The following DENND2C variants were observed in gnomAD, a reference collection of about 807,000 sequenced individuals.
The protein encoded by DENND2C is DENN domain containing 2C.
A neutral mutation model predicts 112.4 loss-of-function variants in DENND2C; 72 were observed. The ratio of observed to expected loss-of-function variants is 0.64; its 90% CI spans 0.53 to 0.78. DENND2C has a LOEUF of 0.78. Ranked by LOEUF, DENND2C falls within the 30% of genes least tolerant of loss-of-function variation. The pLI is 0.00. For missense variants in DENND2C, 992 were observed against 1,113.8 expected (o/e 0.89, Z 1.56); for synonymous variants, 329 against 381.6 (o/e 0.86, Z 1.61).
chr1:114,630,614 C>G lies in DENND2C; in HGVS notation c.-204-4426G>C, dbSNP rs375565144. On this transcript the variant is annotated intron_variant, in intron 3 of 20. Coordinates refer to ENST00000393274, the MANE Select transcript of DENND2C (RefSeq NM_001256404.2). ...GGCAACCTTACCGAGTTGAGGATAA[C>G]AAGATTGGAATATGGAGACTGAGGC... Among the ~76,000 whole-genome samples the G allele has an allele frequency of 3.9e-5, 6 of 152,126 alleles. No homozygotes were observed. In the South Asian group the frequency reaches 1.2e-3, roughly 32 times the overall value.
At chr1:114,611,700 G>A (rs1655821949) in intron 8 of DENND2C, among the ~76,000 whole-genome samples, 1 of 151,588 alleles carries the variant, frequency 6.6e-6, no homozygotes, top group African/African-American at 2.4e-5. Flanking sequence ...TCCCCAATCC[G>A]ATTTTAAGTA....
chr1:114,611,210 G>C, intron 8 of DENND2C, 93 bp from the exon 9 acceptor site: 6 of 1,401,824 alleles, frequency 4.3e-6, no homozygotes, highest in Non-Finnish European at 6.0e-6. Context: ...CTGGGGACTT[G>C]GAGTAAGGAA....
At chr1:114,588,140 C>T (rs1483653267) in intron 18 of DENND2C, among the ~76,000 whole-genome samples, 188 bp from the exon 19 acceptor site, 1 of 152,168 alleles carries the variant, frequency 6.6e-6, no homozygotes, top group Non-Finnish European at 1.5e-5. Context: ...TTCTACCCTT[C>T]CCTTCATTTT....
chr1:114,643,679 A>G (rs953392662), intron 3 of DENND2C, among the ~76,000 whole-genome samples: 1 of 152,214 alleles, frequency 6.6e-6, no homozygotes, highest in African/African-American at 2.4e-5. Flanking sequence ...TATAACACAT[A>G]ATATAAATTT....
At chr1:114,665,275 A>G (rs1657616809) in intron 1 of DENND2C, among the ~76,000 whole-genome samples, 1 of 151,398 alleles carries the variant, frequency 6.6e-6, no homozygotes, top group Non-Finnish European at 1.5e-5. Context: ...TCTCTTGAAA[A>G]AAAAAAAAAA....
At chr1:114,596,365 TAAAC>T (rs1424286239) in intron 16 of DENND2C, among the ~76,000 whole-genome samples, 4 of 152,098 alleles carry the variant, frequency 2.6e-5, no homozygotes, top group African/African-American at 7.2e-5. Context: ...TGTCTCTAAA[TAAAC>T]AAATAAATGA....
At chr1:114,630,989 ATTAAGTTGATTCTTATGAAAT>A (rs1402909467) in intron 3 of DENND2C, among the ~76,000 whole-genome samples, 1 of 152,236 alleles carries the variant, frequency 6.6e-6, no homozygotes, top group East Asian at 1.9e-4. Flanking sequence ...CCTAACAAGG[ATTAAGTTGATTCTTATGAAAT>A]TTAAGTACTC....
chr1:114,615,274 AAC>A (rs1489591394), intron 8 of DENND2C, among the ~76,000 whole-genome samples: 7 of 152,232 alleles, frequency 4.6e-5, no homozygotes, highest in Admixed American at 4.6e-4. Context: ...AGTTTTAAAT[AAC>A]ACACAAAAAT....
intron 8 of DENND2C, among the ~76,000 whole-genome samples, chr1:114,612,937 A>C (rs1326623477): frequency 6.6e-6 from 1 of 152,218 alleles, no homozygotes; most frequent in Admixed American, 6.5e-5. Context: ...CTGGAGTTAC[A>C]GGTGTGAGCC....
intron 8 of DENND2C, among the ~76,000 whole-genome samples, chr1:114,615,325 G>A (rs576135999): frequency 6.6e-6 from 1 of 152,044 alleles, no homozygotes; most frequent in African/African-American, 2.4e-5. Flanking sequence ...AAAAATACAC[G>A]GAAAAGAGAT....
chr1:114,622,803 C>CAA (rs370119447), intron 6 of DENND2C, among the ~76,000 whole-genome samples, 184 bp downstream of exon 6: 1 of 100,570 alleles, frequency 9.9e-6, no homozygotes. Context: ...AAACAACAAC[C>CAA]AAAAAAAAAA....
At chr1:114,631,791 A>G (rs1226880097) in intron 3 of DENND2C, among the ~76,000 whole-genome samples, 2 of 151,538 alleles carry the variant, frequency 1.3e-5, no homozygotes, top group African/African-American at 4.9e-5. Flanking sequence ...CAAAAAAGAG[A>G]AAAAAAAAGT....
chr1:114,662,402 C>CA (rs943810606), intron 1 of DENND2C, among the ~76,000 whole-genome samples: 2 of 151,884 alleles, frequency 1.3e-5, no homozygotes, highest in Non-Finnish European at 2.9e-5. Flanking sequence ...AACATCCAAA[C>CA]AAAAAATCCG....
intron 18 of DENND2C, among the ~76,000 whole-genome samples, chr1:114,593,093 A>G (rs1490549232): frequency 2.0e-5 from 3 of 152,040 alleles, no homozygotes. Context: ...TTGGCCTCCC[A>G]AAGTGCTGGG....
intron 18 of DENND2C, among the ~76,000 whole-genome samples, chr1:114,594,072 T>A (rs372408744): frequency 2.6e-5 from 4 of 152,308 alleles, no homozygotes; most frequent in African/African-American, 9.6e-5. Context: ...ACGGAACTTA[T>A]GCTGTAGAAT....
chr1:114,634,151 A>C (rs1656582726), intron 3 of DENND2C, among the ~76,000 whole-genome samples: 2 of 152,234 alleles, frequency 1.3e-5, no homozygotes, highest in African/African-American at 4.8e-5. Context: ...AGAACTAAAA[A>C]GCCAAATGGA....
chr1:114,668,455 T>C (rs951785168), intron 1 of DENND2C, among the ~76,000 whole-genome samples: 1 of 152,084 alleles, frequency 6.6e-6, no homozygotes, highest in Non-Finnish European at 1.5e-5. Flanking sequence ...AAACTGCTTA[T>C]TGTCATTAAG....
intron 2 of DENND2C, among the ~76,000 whole-genome samples, chr1:114,648,873 T>C (rs1307707188): frequency 1.3e-5 from 2 of 152,178 alleles, no homozygotes; most frequent in African/African-American, 4.8e-5. Flanking sequence ...TTTAATAACA[T>C]TAAGCTTTTA....
At chr1:114,644,613 A>C (rs1015413616) in intron 3 of DENND2C, among the ~76,000 whole-genome samples, 1 of 152,158 alleles carries the variant, frequency 6.6e-6, no homozygotes, top group African/African-American at 2.4e-5. Context: ...ACACCACAAT[A>C]AGAATGTTTT....
Sources: gnomAD v4.1 joint callset for allele counts (sites outside exome capture counted in the v4.1 genomes callset) on GRCh38, gnomAD v4.1.1 for gene constraint, MANE v1.5 for transcripts, NCBI Gene and HGNC (gene_info 2026-07-23, HGNC 2026-07-21) for gene names.